Variants in TTLL2 observed in about 807,000 individuals in gnomAD.
The protein encoded by TTLL2 is tubulin tyrosine ligase like 2.
TTLL2 carries 10 observed loss-of-function variants against 7.5 expected under a neutral mutation model. The ratio of observed to expected loss-of-function variants is 1.33; its 90% CI spans 0.82 to 2.25. TTLL2 has a LOEUF of 2.25. Ranked by LOEUF, TTLL2 falls within the 30% of genes most tolerant of loss-of-function variation. TTLL2 has a pLI of 0.00. For missense variants in TTLL2, 733 were observed against 735.7 expected (o/e 1.00, Z 0.04); for synonymous variants, 284 against 280.3 (o/e 1.01, Z -0.13).
At chr6:167,334,571 A>G (rs1264460483) in intron 1 of TTLL2, among the ~76,000 whole-genome samples, 1 of 150,912 alleles carries the variant, frequency 6.6e-6, no homozygotes, top group Admixed American at 6.6e-5. Flanking sequence ...TTCAAACTAT[A>G]CTACAAGGCT....
intron 1 of TTLL2, chr6:167,327,894 T>A: frequency 2.4e-6 from 1 of 413,016 alleles, no homozygotes; most frequent in Non-Finnish European, 4.9e-6. Context: ...TTGGCGGATG[T>A]TTTCTTTGGT....
intron 2 of TTLL2, 111 bp downstream of exon 2, chr6:167,338,914 T>C (rs1190743188): frequency 3.5e-6 from 4 of 1,132,194 alleles, no homozygotes; most frequent in Non-Finnish European, 3.6e-6. Flanking sequence ...TTCTTCTTTT[T>C]CTTTCCTCCT....
At chr6:167,327,935 C>A in intron 1 of TTLL2, 1 of 450,562 alleles carries the variant, frequency 2.2e-6, no homozygotes, top group Non-Finnish European at 4.5e-6. Flanking sequence ...CCTTTTACAG[C>A]ATCTGGTATC....
chr6:167,340,489 C>T lies in TTLL2; in HGVS notation c.589C>T (p.Gln197Ter). 6.2e-7 allele frequency: 1 copy of T among 1,614,128 alleles called. No homozygotes were observed. ...DYTKFVAEYF[Q>*]ERQMLGTKHS... ...TACCAAGTTCGTGGCTGAATACTTT[C>T]AGGAGAGGCAGATGCTGGGCACCAA... Residue 197 changes from glutamine (Q) to a stop codon, truncating the protein, a stop_gained, in exon 3 of 3, where the codon CAG (glutamine) becomes TAG (stop). Coordinates refer to ENST00000239587, the MANE Select transcript of TTLL2 (RefSeq NM_031949.5). LOFTEE classifies it low-confidence loss of function (END_TRUNC).
rs139590968 is a variant in TTLL2, at chr6:167,340,320, G to A, written c.420G>A (p.Pro140=). 3.9e-5 allele frequency: 63 copies of A among 1,614,114 alleles called. No individual in the cohort carries two copies. Among genetic ancestry groups the A allele is most frequent in the African/African-American group, 1.6e-4 (12 of 75,000 alleles). ...TGACCGAACACAACAGTGTTAAACCGTGGCAGCAGCTAAACCACCACCCTG... is the reference window on the plus strand; with the variant it reads ...TGACCGAACACAACAGTGTTAAACCATGGCAGCAGCTAAACCACCACCCTG... The part of the protein sequence containing the change: ...FRMTEHNSVK[P]WQQLNHHPGT... Residue 140 remains proline, a synonymous_variant, in exon 3 of 3, where the codon CCG becomes CCA. Transcript: ENST00000239587.
rs1400199546 is a variant in TTLL2 at position 167,325,240 on chromosome 6, C to G, written c.47+20C>G. On this transcript the variant is annotated intron_variant, in intron 1 of 2. Transcript: ENST00000239587. ...GCTGGGGTAAGCGTAGGAGGCGACACGTAGGATGGGAGGGTGGCCCCGATC... is the reference window on the plus strand; with the variant it reads ...GCTGGGGTAAGCGTAGGAGGCGACAGGTAGGATGGGAGGGTGGCCCCGATC... 6.5e-6 allele frequency: 10 copies of G among 1,541,884 alleles called. No individual in the cohort carries two copies. In the East Asian group the frequency reaches 1.2e-4, roughly 19 times the overall value.
chr6:167,327,505 T>C (rs1270267042), intron 1 of TTLL2, among the ~76,000 whole-genome samples: 2 of 152,174 alleles, frequency 1.3e-5, no homozygotes, highest in African/African-American at 4.8e-5. Flanking sequence ...AGTGGGTTTG[T>C]GGTCTTGAGA....
At chr6:167,338,624 T>C in intron 1 of TTLL2, 23 bp from the exon 2 acceptor site, 1 of 1,601,744 alleles carries the variant, frequency 6.2e-7, no homozygotes. Context: ...GTGTGTTCAT[T>C]GTTGATGCTG....
chr6:167,341,746 A>G lies in TTLL2; in HGVS notation c.*67A>G, dbSNP rs1423627663. ...AAAAACCAAGGATCCTGTCCTAGAG[A>G]AAGCAATAGTTCAAGTCCCTACCTG... On this transcript the variant is annotated 3_prime_UTR_variant, in exon 3 of 3. Transcript: ENST00000239587. The G allele has an allele frequency of 1.3e-6, 2 of 1,485,420 alleles. No homozygotes were observed. The highest frequency in any genetic ancestry group is 1.8e-6 in the Non-Finnish European group (2 of 1,123,348). 92.0% of individuals were successfully genotyped at this position (1,485,420 alleles called of 1,614,324 possible). A position where few individuals can be genotyped will look rare whatever the true frequency, so the allele number is the denominator to read the frequency against.
At chr6:167,335,525 T>G (rs2115218245) in intron 1 of TTLL2, among the ~76,000 whole-genome samples, 1 of 144,546 alleles carries the variant, frequency 6.9e-6, no homozygotes, top group East Asian at 2.1e-4. Context: ...TGCACACGTA[T>G]GTTTATTGCG....
intron 1 of TTLL2, among the ~76,000 whole-genome samples, chr6:167,326,233 G>T (rs920487075): frequency 1.3e-5 from 2 of 152,060 alleles, no homozygotes; most frequent in Non-Finnish European, 2.9e-5. Context: ...TGAGAAAACA[G>T]AACTTTCCTG....
chr6:167,331,977 C>T lies in TTLL2; in HGVS notation c.48-6670C>T, dbSNP rs559879303. On this transcript the variant is annotated intron_variant, in intron 1 of 2. Coordinates refer to ENST00000239587, the MANE Select transcript of TTLL2 (RefSeq NM_031949.5). ...TATGATTCGTGAATCATTCGTTGCT[C>T]AACTAAACTCCTTTAAATTTAATTT... Among the ~76,000 whole-genome samples, 5 of 152,240 alleles carry T rather than the reference C, an allele frequency of 3.3e-5. No homozygotes were observed. In the East Asian group the frequency reaches 9.6e-4, roughly 29 times the overall value.
At chr6:167,329,920 A>G (rs1778898310) in intron 1 of TTLL2, among the ~76,000 whole-genome samples, 1 of 152,220 alleles carries the variant, frequency 6.6e-6, no homozygotes, top group Non-Finnish European at 1.5e-5. Flanking sequence ...TTTGTATTAT[A>G]TAAATGTTTC....
In TTLL2 at chr6:167,341,240, T is replaced by C. The variant is rs564037496; in HGVS notation, c.1340T>C (p.Leu447Pro). The change falls in exon 3 of 3, where the codon CTT becomes CCT. Residue 447 changes from leucine to proline, a missense_variant. Leu to Pro is a moderately conservative substitution (Grantham distance 98). Coordinates refer to ENST00000239587, the MANE Select transcript of TTLL2 (RefSeq NM_031949.5). ...GCTGCAAAAAGTGACAGAGGTGGGC[T>C]TGATGCTCCTGACTGTCTTCCTTAT... is the stretch of plus-strand genomic sequence containing the variant. ...IDAAKSDRGG[L>P]DAPDCLPYDS... is the part of the protein sequence containing the mutation. The C allele has an allele frequency of 1.9e-6, 3 of 1,613,720 alleles. No homozygotes were observed. The highest frequency in any genetic ancestry group is 2.5e-6 in the Non-Finnish European group (3 of 1,179,996).
chr6:167,340,545 G>C lies in TTLL2; in HGVS notation c.645G>C (p.Glu215Asp). The C allele has an allele frequency of 6.2e-7, 1 of 1,614,184 alleles. No homozygotes were observed. The highest frequency in any genetic ancestry group is 8.5e-7 in the Non-Finnish European group (1 of 1,180,026). Reference protein sequence around the residue: ...KHSYWICKPAELSRGRGILIF... With the variant: ...KHSYWICKPADLSRGRGILIF... ...GCTATTGGATTTGCAAGCCTGCTGA[G>C]TTATCTCGTGGGAGGGGGATACTAA... The change falls in exon 3 of 3, where the codon GAG becomes GAC. Residue 215 changes from glutamate to aspartate, a missense_variant. By Grantham distance (45) the Glu-to-Asp change is conservative. Transcript: ENST00000239587.
Position 167,341,171 on chromosome 6 carries a change from G to A in TTLL2, c.1271G>A (p.Gly424Glu). ...TACTTAAATGGTCTAAGAAATGAGG[G>A]GAGAGAAGCCAGTAATGCCACACAT... ...LIYLNGLRNE[G>E]REASNATHGN... is the part of the protein sequence containing the mutation. The change falls in exon 3 of 3, where the codon GGG becomes GAG. Residue 424 changes from glycine (G) to glutamate (E), a missense_variant. Transcript: ENST00000239587. 6.2e-7 allele frequency: 1 copy of A among 1,613,808 alleles called. No individual in the cohort carries two copies. The highest frequency in any genetic ancestry group is 8.5e-7 in the Non-Finnish European group (1 of 1,179,988).
intron 1 of TTLL2, among the ~76,000 whole-genome samples, chr6:167,333,887 A>C (rs1778952934): frequency 8.3e-6 from 1 of 119,770 alleles, no homozygotes; most frequent in Non-Finnish European, 1.7e-5. Flanking sequence ...TCCTTTCAAA[A>C]AACCAGCTCC....
intron 1 of TTLL2, among the ~76,000 whole-genome samples, chr6:167,333,656 C>G: frequency 8.2e-5 from 3 of 36,514 alleles, no homozygotes; most frequent in Non-Finnish European, 1.0e-4. Flanking sequence ...CAACTTCTTC[C>G]TGGTTTAGTC....
intron 1 of TTLL2, among the ~76,000 whole-genome samples, chr6:167,336,690 G>A (rs1778987268): frequency 6.6e-6 from 1 of 151,914 alleles, no homozygotes; most frequent in Non-Finnish European, 1.5e-5. Context: ...TTCCAGAACG[G>A]GGGCTCGGCC....
Sources: gnomAD v4.1 joint callset for allele counts (sites outside exome capture counted in the v4.1 genomes callset) on GRCh38, gnomAD v4.1.1 for gene constraint, MANE v1.5 for transcripts, NCBI Gene and HGNC (gene_info 2026-07-23, HGNC 2026-07-21) for gene names.